Variants in SNTG1 observed in about 807,000 individuals in gnomAD.
The protein encoded by SNTG1 is syntrophin gamma 1, also known as gamma-1-syntrophin.
A neutral mutation model predicts 74.7 loss-of-function variants in SNTG1; 39 were observed. The ratio of observed to expected loss-of-function variants is 0.52; its 90% CI spans 0.40 to 0.68. The LOEUF is 0.68. SNTG1 is among the 30% of genes least tolerant of loss of function. The probability of loss-of-function intolerance (pLI) is 0.00; values close to 1 mark genes in which losing one functional copy is unlikely to be tolerated. For missense variants in SNTG1, 685 were observed against 609.5 expected, an observed-to-expected ratio of 1.12 and a Z score of -1.30; for synonymous variants, 254 against 217.1, an observed-to-expected ratio of 1.17 and a Z score of -1.49.
intron 6 of SNTG1, 21 bp downstream of exon 6, chr8:50,449,746 T>G (rs1310077414): frequency 6.5e-7 from 1 of 1,540,716 alleles, no homozygotes; most frequent in South Asian, 1.3e-5. Flanking sequence ...TAGAGAATTG[T>G]GTACCAGCCA....
chr8:50,230,615 C>T (rs2085567702), intron 2 of SNTG1, among the ~76,000 whole-genome samples: 1 of 151,244 alleles, frequency 6.6e-6, no homozygotes, highest in African/African-American at 2.4e-5. Context: ...TTTGCAAATT[C>T]TACCCAACAT....
At position 50,555,606 on chromosome 8, in the gene SNTG1, C is replaced by G. The variant is rs541323266; in HGVS notation, c.810+2427C>G. Among the ~76,000 whole-genome samples the G allele has an allele frequency of 5.9e-5, 9 of 152,144 alleles. No homozygotes were observed. The South Asian group carries it at 8.3e-4, about 14-fold the overall frequency. On this transcript the variant is annotated intron_variant, in intron 12 of 18. Coordinates refer to ENST00000642720, the MANE Select transcript of SNTG1 (RefSeq NM_018967.5). ...CTTATGGAAAGATGTAGACCTTTTT[C>G]TTTATTTGCCAATATTCTGAGAGTA...
chr8:50,538,617 C>A (rs1487928822), intron 11 of SNTG1, among the ~76,000 whole-genome samples: 2 of 151,412 alleles, frequency 1.3e-5, no homozygotes, highest in East Asian at 3.9e-4. Flanking sequence ...CTTTTCTTTT[C>A]TTTTTTAGTT....
At chr8:50,351,619 A>G (rs1384535857) in intron 2 of SNTG1, among the ~76,000 whole-genome samples, 2 of 152,120 alleles carry the variant, frequency 1.3e-5, no homozygotes, top group African/African-American at 4.8e-5. Context: ...GCTGGAGTAA[A>G]AAACTGAAGA....
At chr8:50,117,189 T>C (rs2080852883) in intron 1 of SNTG1, among the ~76,000 whole-genome samples, 1 of 152,200 alleles carries the variant, frequency 6.6e-6, no homozygotes, top group African/African-American at 2.4e-5. Flanking sequence ...TTGTTTTACA[T>C]ATGCCTGAAA....
At position 50,485,699 on chromosome 8, in the gene SNTG1, CT is replaced by C. The variant is rs1440543543; in HGVS notation, c.364-17075del. Reference sequence around the variant, plus strand: ...ATTAGATCCCATTTGTCAATTTTGGCTTTTGTTGCCATTGCTTTTGGTGTTT... The same window carrying C: ...ATTAGATCCCATTTGTCAATTTTGGCTTTGTTGCCATTGCTTTTGGTGTTT... On this transcript the variant is annotated intron_variant, in intron 8 of 18. Coordinates refer to ENST00000642720, the MANE Select transcript of SNTG1 (RefSeq NM_018967.5). Among the ~76,000 whole-genome samples the C allele has an allele frequency of 7.9e-5, 12 of 151,224 alleles. No individual in the cohort carries two copies. In the East Asian group the frequency reaches 2.1e-3, roughly 27 times the overall value.
At chr8:50,777,733 G>C (rs1185051011) in intron 18 of SNTG1, among the ~76,000 whole-genome samples, 2 of 150,006 alleles carry the variant, frequency 1.3e-5, no homozygotes, top group Non-Finnish European at 3.0e-5. Context: ...TTAAGTTGTA[G>C]GGTACATGTG....
chr8:50,649,795 T>G (rs2095133463), intron 13 of SNTG1, among the ~76,000 whole-genome samples: 1 of 152,016 alleles, frequency 6.6e-6, no homozygotes, highest in Non-Finnish European at 1.5e-5. Flanking sequence ...ATTTTTAAAT[T>G]TCTATTTTTT....
At chr8:50,706,499 AT>A (rs552113253) in intron 16 of SNTG1, among the ~76,000 whole-genome samples, 144 of 152,264 alleles carry the variant, frequency 9.5e-4, no homozygotes, top group African/African-American at 3.4e-3. Context: ...TTAGTATTTT[AT>A]TTTAAGTCTC....
At chr8:49,996,981 T>C (rs534162432) in intron 1 of SNTG1, among the ~76,000 whole-genome samples, 65 of 152,308 alleles carry the variant, frequency 4.3e-4, no homozygotes, top group African/African-American at 1.4e-3. Flanking sequence ...AATAGACTTA[T>C]TTTATCCAAT....
chr8:50,784,975 G>A (rs537286388), intron 18 of SNTG1, among the ~76,000 whole-genome samples: 6 of 151,852 alleles, frequency 4.0e-5, no homozygotes, highest in East Asian at 1.9e-4. Flanking sequence ...AAAAAATCAC[G>A]GTGAAATTAT....
At chr8:50,736,470 T>A (rs1212826816) in intron 17 of SNTG1, among the ~76,000 whole-genome samples, 1 of 152,004 alleles carries the variant, frequency 6.6e-6, no homozygotes, top group Admixed American at 6.6e-5. Context: ...TCCCACACAG[T>A]AAGAGTGGAA....
At chr8:50,434,292 A>G (rs2093277149) in intron 4 of SNTG1, among the ~76,000 whole-genome samples, 1 of 152,110 alleles carries the variant, frequency 6.6e-6, no homozygotes, top group Non-Finnish European at 1.5e-5. Context: ...TCTATCATTG[A>G]TGGACATTTG....
chr8:50,002,861 A>T (rs1814873350), intron 1 of SNTG1, among the ~76,000 whole-genome samples: 1 of 152,216 alleles, frequency 6.6e-6, no homozygotes, highest in South Asian at 2.1e-4. Flanking sequence ...CCATCCACAG[A>T]TACAGGGATA....
intron 13 of SNTG1, among the ~76,000 whole-genome samples, chr8:50,631,842 A>G (rs924606161): frequency 6.6e-6 from 1 of 152,234 alleles, no homozygotes; most frequent in East Asian, 1.9e-4. Flanking sequence ...TACGCTCTGT[A>G]GTGCAGACAC....
intron 2 of SNTG1, among the ~76,000 whole-genome samples, chr8:50,303,228 C>T (rs1210473438): frequency 5.9e-5 from 9 of 151,982 alleles, no homozygotes; most frequent in East Asian, 1.9e-4. Flanking sequence ...TATTAACCTC[C>T]TTGATTCAAA....
chr8:50,228,317 G>A (rs1050038576), intron 2 of SNTG1, among the ~76,000 whole-genome samples: 1 of 151,840 alleles, frequency 6.6e-6, no homozygotes, highest in Non-Finnish European at 1.5e-5. Flanking sequence ...TTACATACAG[G>A]TATGTGGACT....
chr8:50,621,776 A>T (rs1328938772), intron 13 of SNTG1, among the ~76,000 whole-genome samples: 1 of 152,220 alleles, frequency 6.6e-6, no homozygotes, highest in Non-Finnish European at 1.5e-5. Context: ...TGGAAATGAA[A>T]TTTAGCATCA....
chr8:50,094,993 T>G (rs1413647183), intron 1 of SNTG1, among the ~76,000 whole-genome samples: 1 of 152,200 alleles, frequency 6.6e-6, no homozygotes, highest in East Asian at 1.9e-4. Context: ...AAGAAGAAAA[T>G]CTTGTCCTTT....
Sources: allele counts gnomAD v4.1 joint callset (sites outside exome capture counted in the v4.1 genomes callset), GRCh38; gene constraint gnomAD v4.1.1; transcripts MANE v1.5; gene names NCBI Gene and HGNC (gene_info 2026-07-23, HGNC 2026-07-21).